The following CNKSR3 variants were observed in gnomAD, a reference collection of about 807,000 sequenced individuals.
CNKSR3 encodes the protein connector enhancer of kinase suppressor of ras 3.
CNKSR3 carries 36 observed loss-of-function variants against 67.7 expected under a neutral mutation model. The observed-to-expected ratio is 0.53, with a 90% confidence interval of 0.41 to 0.70. The LOEUF (loss-of-function observed/expected upper bound fraction) is 0.70, where lower values mean the gene tolerates loss of function less well. CNKSR3 is among the 30% of genes least tolerant of loss of function. CNKSR3 has a pLI of 0.00. For synonymous variants in CNKSR3, 281 were observed against 271.4 expected (o/e 1.04, Z -0.35); for missense variants, 630 against 695.2 (o/e 0.91, Z 1.05).
chr6:154,410,882 G>A, intron 11 of CNKSR3, 52 bp downstream of exon 11: 1 of 1,415,662 alleles, frequency 7.1e-7, no homozygotes, highest in Non-Finnish European at 9.8e-7. Flanking sequence ...GCAGGGGGCG[G>A]GGAGGAGAAG....
At chr6:154,506,709 T>C (rs974033753) in intron 1 of CNKSR3, among the ~76,000 whole-genome samples, 11 of 152,260 alleles carry the variant, frequency 7.2e-5, no homozygotes, top group African/African-American at 1.9e-4. Flanking sequence ...TTTTCTGTTA[T>C]GTGCGGCTAA....
rs2114669609 is a variant in CNKSR3, at chr6:154,510,203, C to T, written c.-89G>A. Reference sequence around the variant, plus strand: ...CGGTGCCCCTTCCCGGGAGGGCGCGCCCGCGGCTGCTCCCCTGCGCCCGAG... The same window carrying T: ...CGGTGCCCCTTCCCGGGAGGGCGCGTCCGCGGCTGCTCCCCTGCGCCCGAG... On this transcript the variant is annotated 5_prime_UTR_variant, in exon 1 of 13. Coordinates refer to ENST00000607772, the MANE Select transcript of CNKSR3 (RefSeq NM_173515.4). 4.0e-6 allele frequency: 6 copies of T among 1,491,402 alleles called. No individual in the cohort carries two copies. In the South Asian group the frequency reaches 4.6e-5, roughly 11 times the overall value. 92.4% of individuals were successfully genotyped at this position (1,491,402 alleles called of 1,614,324 possible).
At chr6:154,438,383 CACAA>C (rs1685487252) in intron 4 of CNKSR3, among the ~76,000 whole-genome samples, 3 of 152,112 alleles carry the variant, frequency 2.0e-5, no homozygotes, top group South Asian at 4.1e-4. Flanking sequence ...TATATACACA[CACAA>C]ACACACACAC....
At chr6:154,445,081 A>G (rs1785682159) in intron 2 of CNKSR3, among the ~76,000 whole-genome samples, 1 of 152,204 alleles carries the variant, frequency 6.6e-6, no homozygotes. Context: ...TAACTTTAAC[A>G]AAACAATTCT....
At chr6:154,505,620 C>T (rs1218312651) in intron 1 of CNKSR3, among the ~76,000 whole-genome samples, 2 of 151,064 alleles carry the variant, frequency 1.3e-5, no homozygotes, top group Non-Finnish European at 2.9e-5. Flanking sequence ...GCCTCAGCCT[C>T]CCGAGTAGCT....
intron 1 of CNKSR3, among the ~76,000 whole-genome samples, chr6:154,502,878 G>T (rs574564707): frequency 6.6e-6 from 1 of 152,206 alleles, no homozygotes; most frequent in Non-Finnish European, 1.5e-5. Flanking sequence ...CCGGGAGCTA[G>T]AAGACAACAC....
intron 1 of CNKSR3, among the ~76,000 whole-genome samples, chr6:154,454,282 A>C (rs9479864): frequency 0.012 from 1,803 of 152,306 alleles, 35 homozygotes; most frequent in African/African-American, 0.041. Context: ...ATTTAATGTT[A>C]ATGTTTATAA....
intron 1 of CNKSR3, among the ~76,000 whole-genome samples, chr6:154,456,514 A>G (rs1475422014): frequency 6.7e-6 from 1 of 148,960 alleles, no homozygotes; most frequent in African/African-American, 2.5e-5. Context: ...CCTGGCCAAC[A>G]TGGTGAAACA....
intron 7 of CNKSR3, among the ~76,000 whole-genome samples, chr6:154,423,900 G>A (rs367804031): frequency 4.6e-5 from 7 of 151,778 alleles, no homozygotes; most frequent in Admixed American, 6.6e-5. Context: ...TTCAAATAAC[G>A]GCTGGTTATT....
chr6:154,454,997 G>A (rs965146566), intron 1 of CNKSR3, among the ~76,000 whole-genome samples: 4 of 151,918 alleles, frequency 2.6e-5, no homozygotes, highest in Non-Finnish European at 5.9e-5. Flanking sequence ...ATTTATATCA[G>A]AACGTAAGCA....
At position 154,508,778 on chromosome 6, in the gene CNKSR3, T is replaced by C. The variant is rs548880892; in HGVS notation, c.52+1285A>G. ...ACTTGACAAACCCGTTCTCAAGGAGTTCTCCCAGAGGAGCAGGAAATGGTC... is the reference window on the plus strand; with the variant it reads ...ACTTGACAAACCCGTTCTCAAGGAGCTCTCCCAGAGGAGCAGGAAATGGTC... On this transcript the variant is annotated intron_variant, in intron 1 of 12. Transcript: ENST00000607772. Among the ~76,000 whole-genome samples, 12 of 152,230 alleles carry C rather than the reference T, an allele frequency of 7.9e-5. No individual in the cohort carries two copies. The South Asian group carries it at 8.3e-4, about 11-fold the overall frequency.
intron 1 of CNKSR3, among the ~76,000 whole-genome samples, chr6:154,450,875 T>C (rs1381516181): frequency 6.6e-6 from 1 of 152,234 alleles, no homozygotes. Flanking sequence ...ATCAGTTTTC[T>C]GAGAATAAAT....
At chr6:154,417,279 G>A (rs1344857131) in intron 9 of CNKSR3, among the ~76,000 whole-genome samples, 1 of 152,160 alleles carries the variant, frequency 6.6e-6, no homozygotes, top group African/African-American at 2.4e-5. Context: ...GCATGGCTTG[G>A]AAAGATTACA....
Position 154,396,408 on chromosome 6 carries a change from T to G in CNKSR3, c.*9946A>C, listed in dbSNP as rs1784661616. The stretch of plus-strand genomic sequence containing the variant: ...GAATAGTCTGCAAAATGCTTTAATA[T>G]ATTAATAAAATTAAAACAATTTTCA... On this transcript the variant is annotated 3_prime_UTR_variant, in exon 13 of 13. Transcript: ENST00000607772. 6.6e-6 allele frequency: 1 copy of G among 152,226 alleles called. No homozygotes were observed. Among genetic ancestry groups the G allele is most frequent in the Non-Finnish European group, 1.5e-5 (1 of 68,042 alleles). 9.4% of individuals were successfully genotyped at this position (152,226 alleles called of 1,614,324 possible).
At chr6:154,501,688 G>T (rs755501358) in intron 1 of CNKSR3, among the ~76,000 whole-genome samples, 1 of 152,060 alleles carries the variant, frequency 6.6e-6, no homozygotes, top group African/African-American at 2.4e-5. Context: ...CCCCCACCCA[G>T]TCCCTCTCCT....
chr6:154,500,912 G>C (rs946792527), intron 1 of CNKSR3, among the ~76,000 whole-genome samples: 3 of 152,142 alleles, frequency 2.0e-5, no homozygotes, highest in African/African-American at 7.2e-5. Flanking sequence ...AACAAAGTAG[G>C]CTAAGTCCAA....
chr6:154,503,892 C>T (rs1396851033), intron 1 of CNKSR3, among the ~76,000 whole-genome samples: 3 of 152,174 alleles, frequency 2.0e-5, no homozygotes, highest in Non-Finnish European at 4.4e-5. Flanking sequence ...TAGCCCAATA[C>T]TACAATAGCA....
chr6:154,398,091 C>G lies in CNKSR3; in HGVS notation c.*8263G>C, dbSNP rs546492312. ...CCTTCACAGGGCTCTGCCTGACACA[C>G]GGAGGACACAATCACAAGAGCCAAA... On this transcript the variant is annotated 3_prime_UTR_variant, in exon 13 of 13. Coordinates refer to ENST00000607772, the MANE Select transcript of CNKSR3 (RefSeq NM_173515.4). 6.6e-6 allele frequency: 1 copy of G among 152,276 alleles called. No individual in the cohort carries two copies. Among genetic ancestry groups the G allele is most frequent in the Non-Finnish European group, 1.5e-5 (1 of 68,120 alleles). 9.4% of individuals were successfully genotyped at this position (152,276 alleles called of 1,614,324 possible). A position where few individuals can be genotyped will look rare whatever the true frequency, so the allele number is the denominator to read the frequency against.
At chr6:154,506,232 T>TA (rs1787100307) in intron 1 of CNKSR3, among the ~76,000 whole-genome samples, 3 of 128,166 alleles carry the variant, frequency 2.3e-5, no homozygotes, top group Admixed American at 8.0e-5. Context: ...TGTACCAAAC[T>TA]TAAAAAAAAA....
Sources: allele counts gnomAD v4.1 joint callset (sites outside exome capture counted in the v4.1 genomes callset), GRCh38; gene constraint gnomAD v4.1.1; transcripts MANE v1.5; gene names NCBI Gene and HGNC (gene_info 2026-07-23, HGNC 2026-07-21).